Variants in YTHDF2 observed in about 807,000 individuals in gnomAD.
The protein encoded by YTHDF2 is YTH N6-methyladenosine RNA binding protein F2.
In YTHDF2, 2 loss-of-function variants were observed where a neutral mutation model predicts 50.4. That is an observed-to-expected ratio of 0.04 (90% CI 0.02 to 0.12). The LOEUF (loss-of-function observed/expected upper bound fraction) is 0.12. YTHDF2 is among the 10% of genes least tolerant of loss of function. The pLI, the probability that YTHDF2 is intolerant of heterozygous loss-of-function variation, is 1.00. For missense variants in YTHDF2, 483 were observed against 722.6 expected, an observed-to-expected ratio of 0.67 and a Z score of 3.80; for synonymous variants, 217 against 255.6, an observed-to-expected ratio of 0.85 and a Z score of 1.44.
At chr1:28,763,790 A>C (rs974841652) in intron 4 of YTHDF2, among the ~76,000 whole-genome samples, 10 of 150,086 alleles carry the variant, frequency 6.7e-5, no homozygotes, top group Non-Finnish European at 1.3e-4. Context: ...GGCGTGAGCC[A>C]CTGAGCCTGG....
At chr1:28,751,275 G>A (rs2087948134) in intron 4 of YTHDF2, among the ~76,000 whole-genome samples, 2 of 151,844 alleles carry the variant, frequency 1.3e-5, no homozygotes, top group Admixed American at 1.3e-4. Flanking sequence ...TCAAGTTTCT[G>A]TGATATAAAA....
chr1:28,737,350 C>G, intron 1 of YTHDF2: 2 of 682,594 alleles, frequency 2.9e-6, no homozygotes, highest in Admixed American at 3.6e-5. Context: ...TCGGAGCCCA[C>G]GGGCCGGGCC....
intron 4 of YTHDF2, among the ~76,000 whole-genome samples, chr1:28,746,410 A>G (rs537393106): frequency 1.2e-4 from 19 of 152,200 alleles, no homozygotes; most frequent in Admixed American, 1.1e-3. Flanking sequence ...TCAATTTTGC[A>G]TTGCTGGGGC....
intron 4 of YTHDF2, among the ~76,000 whole-genome samples, chr1:28,747,135 A>G (rs2087876008): frequency 6.6e-6 from 1 of 152,214 alleles, no homozygotes; most frequent in Non-Finnish European, 1.5e-5. Context: ...TGTTTGCTAG[A>G]GTGGTTCAGT....
intron 3 of YTHDF2, among the ~76,000 whole-genome samples, chr1:28,739,910 G>GA (rs2087750912): frequency 6.6e-6 from 1 of 152,170 alleles, no homozygotes; most frequent in Non-Finnish European, 1.5e-5. Flanking sequence ...AGGCCAAAAG[G>GA]AAAACTGGCA....
At chr1:28,741,150 A>G (rs1457001748) in intron 3 of YTHDF2, among the ~76,000 whole-genome samples, 1 of 152,106 alleles carries the variant, frequency 6.6e-6, no homozygotes, top group East Asian at 1.9e-4. Flanking sequence ...GGCAGGTGCC[A>G]CCACGCCTGG....
intron 3 of YTHDF2, among the ~76,000 whole-genome samples, chr1:28,740,784 A>T (rs754940142): frequency 6.6e-6 from 1 of 150,418 alleles, no homozygotes; most frequent in Non-Finnish European, 1.5e-5. Flanking sequence ...GCTCACTGCA[A>T]CCTTCACCTC....
chr1:28,765,160 C>T (rs1407610136), intron 4 of YTHDF2, among the ~76,000 whole-genome samples: 2 of 152,040 alleles, frequency 1.3e-5, no homozygotes, highest in Non-Finnish European at 2.9e-5. Flanking sequence ...TGCCAGCATG[C>T]TGGCTAATAT....
Position 28,743,293 on chromosome 1 carries a change from C to T in YTHDF2, c.1023C>T (p.Val341=), listed in dbSNP as rs375761969. ...PPPPQPAQLS[V]QQQAAQPTRW... ...CACCACAGCCTGCCCAGCTTTCAGT[C>T]CAGCAACAGGCAGCTCAGCCAACCC... is the stretch of plus-strand genomic sequence containing the variant. The change falls in exon 4 of 5, where the codon GTC becomes GTT. Residue 341 remains valine (V), a synonymous_variant. Transcript: ENST00000373812. This position sits in a 1 kb window ranked among gnomAD's most constrained non-coding sequence, Gnocchi z 6.9. The T allele has an allele frequency of 8.4e-5, 136 of 1,614,024 alleles. No individual in the cohort carries two copies. In the African/African-American group the frequency reaches 1.7e-3, roughly 20 times the overall value.
chr1:28,766,408 C>T (rs1318754236), intron 4 of YTHDF2, among the ~76,000 whole-genome samples: 3 of 152,150 alleles, frequency 2.0e-5, no homozygotes, highest in Admixed American at 1.3e-4. Context: ...TGAGCTATTG[C>T]GCCCAGCCCT....
intron 4 of YTHDF2, among the ~76,000 whole-genome samples, chr1:28,753,915 T>C (rs1288925163): frequency 6.6e-6 from 1 of 151,968 alleles, no homozygotes; most frequent in Admixed American, 6.6e-5. Context: ...TCATGTTGGC[T>C]AGGCTGGTCT....
chr1:28,765,544 G>A (rs1360921136), intron 4 of YTHDF2, among the ~76,000 whole-genome samples: 3 of 152,028 alleles, frequency 2.0e-5, no homozygotes, highest in African/African-American at 7.2e-5. Context: ...TCCCACCTCA[G>A]CCTTCCAAGT....
chr1:28,746,895 A>T (rs140661019), intron 4 of YTHDF2, among the ~76,000 whole-genome samples: 83 of 152,116 alleles, frequency 5.5e-4, no homozygotes, highest in African/African-American at 1.9e-3. Flanking sequence ...CAGCCTGATC[A>T]ACATGGAGAA....
chr1:28,740,828 C>T (rs1014217629), intron 3 of YTHDF2, among the ~76,000 whole-genome samples: 14 of 151,524 alleles, frequency 9.2e-5, no homozygotes, highest in African/African-American at 1.9e-4. Flanking sequence ...CTCAGCCTCC[C>T]GAGTAGCTGG....
intron 4 of YTHDF2, among the ~76,000 whole-genome samples, chr1:28,760,396 A>G (rs898990838): frequency 1.3e-5 from 2 of 151,654 alleles, no homozygotes; most frequent in Non-Finnish European, 2.9e-5. Context: ...CCAGGTTCAC[A>G]CCATTCTCCT....
Position 28,736,974 on chromosome 1 carries a change from G to A in YTHDF2, c.-147G>A. ...CCGAGTCGGAGCCGGAGCCTGAGCC[G>A]CGCGCTGTGTCTCCGCTGCGTCCGC... is the stretch of plus-strand genomic sequence containing the variant. On this transcript the variant is annotated 5_prime_UTR_variant, in exon 1 of 5. Transcript: ENST00000373812. 3 of 994,864 alleles carry A rather than the reference G, an allele frequency of 3.0e-6. No homozygotes were observed. The highest frequency in any genetic ancestry group is 4.4e-6 in the Non-Finnish European group (3 of 682,082). 61.6% of individuals were successfully genotyped at this position (994,864 alleles called of 1,614,324 possible).
intron 3 of YTHDF2, 134 bp downstream of exon 3, chr1:28,738,472 T>C (rs577651334): frequency 3.6e-6 from 3 of 832,406 alleles, no homozygotes; most frequent in Non-Finnish European, 5.6e-6. Flanking sequence ...TGAGACTGAG[T>C]CTCGCTCTGA....
At chr1:28,737,948 C>A in intron 2 of YTHDF2, 1 of 576,692 alleles carries the variant, frequency 1.7e-6, no homozygotes, top group Non-Finnish European at 3.1e-6. Flanking sequence ...TCTTAGAAGG[C>A]CTTTGTTTTT....
chr1:28,764,335 G>A (rs2124208813), intron 4 of YTHDF2, among the ~76,000 whole-genome samples: 1 of 151,510 alleles, frequency 6.6e-6, no homozygotes, highest in East Asian at 1.9e-4. Flanking sequence ...ACAGTGGCGC[G>A]ATCTCAGCTC....
Sources: allele counts gnomAD v4.1 joint callset (sites outside exome capture counted in the v4.1 genomes callset), GRCh38; gene constraint gnomAD v4.1.1; non-coding constraint Gnocchi (gnomAD v3.1); transcripts MANE v1.5; gene names NCBI Gene and HGNC (gene_info 2026-07-23, HGNC 2026-07-21).